The following COL28A1 variants were observed in gnomAD, a reference collection of about 807,000 sequenced individuals.
COL28A1 encodes collagen type XXVIII alpha 1 chain.
A neutral mutation model predicts 150.2 loss-of-function variants in COL28A1; 161 were observed. The ratio of observed to expected loss-of-function variants is 1.07; its 90% confidence interval spans 0.94 to 1.22. COL28A1 has a LOEUF of 1.22. Among genes scored for constraint, COL28A1 ranks in the 50% most tolerant of loss-of-function variants. The pLI, the probability that COL28A1 is intolerant of heterozygous loss-of-function variation, is 0.00. For synonymous variants in COL28A1, 552 were observed against 469.7 expected (o/e 1.18, Z -2.26); for missense variants, 1,617 against 1,388.3 (o/e 1.16, Z -2.62).
At chr7:7,496,730 C>T (rs1272683239) in intron 11 of COL28A1, among the ~76,000 whole-genome samples, 3 of 152,148 alleles carry the variant, frequency 2.0e-5, no homozygotes, top group South Asian at 4.1e-4. Context: ...CAGAACTTTA[C>T]ACTTTTTTTG....
chr7:7,510,189 A>G (rs1374218764), intron 9 of COL28A1, among the ~76,000 whole-genome samples: 3 of 152,136 alleles, frequency 2.0e-5, no homozygotes, highest in Non-Finnish European at 2.9e-5. Flanking sequence ...CTTTAACATC[A>G]TGTTTCAGAT....
At chr7:7,482,638 A>C (rs905231342) in intron 13 of COL28A1, among the ~76,000 whole-genome samples, 3 of 152,176 alleles carry the variant, frequency 2.0e-5, no homozygotes, top group Non-Finnish European at 2.9e-5. Flanking sequence ...TTTAGTTCCC[A>C]ATTAAGTATA....
intron 26 of COL28A1, among the ~76,000 whole-genome samples, chr7:7,419,143 AAAGTTGTTGAG>A (rs1345808275): frequency 3.3e-5 from 5 of 152,222 alleles, no homozygotes; most frequent in African/African-American, 1.2e-4. Context: ...CAAATCAAAG[AAAGTTGTTGAG>A]CAACTGAATG....
intron 3 of COL28A1, among the ~76,000 whole-genome samples, chr7:7,528,794 T>G (rs1782175155): frequency 1.3e-5 from 2 of 152,206 alleles, no homozygotes; most frequent in Non-Finnish European, 1.5e-5. Flanking sequence ...TTCTCTATCC[T>G]AATTGTGTTG....
intron 27 of COL28A1, among the ~76,000 whole-genome samples, chr7:7,384,524 T>C (rs76252646): frequency 0.038 from 5,786 of 152,314 alleles, 364 homozygotes; most frequent in African/African-American, 0.13. Context: ...TGACAGTATA[T>C]TGCTTATAGT....
At chr7:7,342,354 T>C in the COL28A1 span, among the ~76,000 whole-genome samples, 1 of 152,078 alleles carries the variant, frequency 6.6e-6, no homozygotes, top group Non-Finnish European at 1.5e-5. Context: ...GGTAAAAGAA[T>C]GTATAGTTAG....
intron 15 of COL28A1, among the ~76,000 whole-genome samples, chr7:7,463,881 A>G (rs1301011370): frequency 6.6e-6 from 1 of 152,212 alleles, no homozygotes; most frequent in African/African-American, 2.4e-5. Context: ...AGAATGGATA[A>G]GAATTCACCA....
intron 33 of COL28A1, among the ~76,000 whole-genome samples, chr7:7,367,480 G>C (rs563084305): frequency 8.5e-5 from 13 of 152,262 alleles, no homozygotes; most frequent in Admixed American, 3.3e-4. Flanking sequence ...GGCACTATCC[G>C]AGAAGGTCAA....
rs1253533341 is a variant in COL28A1, at chr7:7,452,378, C to T, written c.1450G>A (p.Gly484Ser). The change falls in exon 18 of 35, where the codon GGC becomes AGC. Residue 484 changes from glycine (G) to serine (S), a missense_variant. Transcript: ENST00000399429. ...CGAGGGCCTGTAGGTCCCATTTGGC[C>T]TACTTCTCCCTAGTAAGAAAAGAGT... The part of the protein sequence containing the change: ...QGLPGSKGEV[G>S]QMGPTGPRGP... 1.9e-6 allele frequency: 3 copies of T among 1,596,528 alleles called. No homozygotes were observed. In the South Asian group the frequency reaches 3.4e-5, roughly 18 times the overall value.
chr7:7,403,265 T>C (rs1031595336), intron 27 of COL28A1, among the ~76,000 whole-genome samples: 1 of 152,104 alleles, frequency 6.6e-6, no homozygotes, highest in African/African-American at 2.4e-5. Flanking sequence ...AGTGAAAGAC[T>C]TTCAGTACAA....
chr7:7,397,609 G>T (rs1782914105), intron 27 of COL28A1, among the ~76,000 whole-genome samples: 1 of 152,140 alleles, frequency 6.6e-6, no homozygotes, highest in African/African-American at 2.4e-5. Flanking sequence ...TGCACTCTAG[G>T]GATGCTAAGT....
chr7:7,404,617 C>T (rs1019546454), intron 27 of COL28A1, among the ~76,000 whole-genome samples: 4 of 152,066 alleles, frequency 2.6e-5, no homozygotes, highest in Non-Finnish European at 4.4e-5. Context: ...TCACCTCCTC[C>T]GGTCTCTGCT....
At chr7:7,522,956 G>A (rs1268059415) in intron 4 of COL28A1, among the ~76,000 whole-genome samples, 4 of 151,996 alleles carry the variant, frequency 2.6e-5, no homozygotes, top group African/African-American at 7.2e-5. Context: ...GCTTGATTTA[G>A]AGTCTGATGT....
chr7:7,461,874 T>G (rs56022797), intron 15 of COL28A1, among the ~76,000 whole-genome samples: 1 of 152,014 alleles, frequency 6.6e-6, no homozygotes, highest in Non-Finnish European at 1.5e-5. Flanking sequence ...ACCTGTTCCT[T>G]CCCATACTAC....
At position 7,368,397 on chromosome 7, in the gene COL28A1, T is replaced by TTGTTTTTTTTTTTTTG. The variant is rs57194134; in HGVS notation, c.3066+2327_3066+2328insCAAAAAAAAAAAAACA. ...GACTCCCTTTGCCTACTGTTTTTTT[T>TTGTTTTTTTTTTTTTG]GTTTTTTGCTAGGAATACCCTTCCC... On this transcript the variant is annotated intron_variant, in intron 33 of 34. Coordinates refer to ENST00000399429, the MANE Select transcript of COL28A1 (RefSeq NM_001037763.3). Among the ~76,000 whole-genome samples the TTGTTTTTTTTTTTTTG allele has an allele frequency of 7.2e-4, 102 of 142,208 alleles. 1 individual carries two copies. Among genetic ancestry groups the TTGTTTTTTTTTTTTTG allele is most frequent in the African/African-American group, 2.5e-3 (101 of 39,996 alleles). The allele number at this position is 142,208 out of a possible 152,430, so 93.3% of individuals were successfully genotyped here. A position where few individuals can be genotyped will look rare whatever the true frequency, so the allele number is the denominator to read the frequency against.
intron 32 of COL28A1, among the ~76,000 whole-genome samples, chr7:7,372,644 G>T (rs911373977): frequency 1.6e-4 from 24 of 151,948 alleles, no homozygotes; most frequent in African/African-American, 5.6e-4. Context: ...CTGCCTTGCT[G>T]TTGGCTTGCT....
chr7:7,366,812 T>C (rs1780955033), intron 33 of COL28A1, among the ~76,000 whole-genome samples: 1 of 152,308 alleles, frequency 6.6e-6, no homozygotes, highest in South Asian at 2.1e-4. Flanking sequence ...CAGTATTGCC[T>C]AGGGTAGGCT....
intron 13 of COL28A1, among the ~76,000 whole-genome samples, chr7:7,486,384 C>T (rs375387036): frequency 5.9e-5 from 9 of 152,224 alleles, no homozygotes; most frequent in African/African-American, 2.2e-4. Context: ...ATATCATCTG[C>T]AAATAAGGAT....
chr7:7,452,670 G>A (rs935785224), intron 17 of COL28A1, among the ~76,000 whole-genome samples: 1 of 152,190 alleles, frequency 6.6e-6, no homozygotes, highest in Non-Finnish European at 1.5e-5. Flanking sequence ...GAGGGTATCT[G>A]GAAAAGATAG....
Sources: allele counts gnomAD v4.1 joint callset (sites outside exome capture counted in the v4.1 genomes callset), GRCh38; gene constraint gnomAD v4.1.1; transcripts MANE v1.5; gene names NCBI Gene and HGNC (gene_info 2026-07-23, HGNC 2026-07-21).